Variants in TGFBRAP1 observed in about 807,000 individuals in gnomAD.
TGFBRAP1 encodes transforming growth factor beta receptor associated protein 1.
In TGFBRAP1, 20 loss-of-function variants were observed where a neutral mutation model predicts 83.2. That is an observed-to-expected ratio of 0.24 (90% CI 0.17 to 0.35). The LOEUF (loss-of-function observed/expected upper bound fraction) is 0.35, where lower values mean the gene tolerates loss of function less well. Ranked by LOEUF, TGFBRAP1 falls within the 10% of genes least tolerant of loss-of-function variation. The probability of loss-of-function intolerance (pLI) is 1.00; values close to 1 mark genes in which losing one functional copy is unlikely to be tolerated. For synonymous variants in TGFBRAP1, 415 were observed against 459.8 expected (o/e 0.90, Z 1.25); for missense variants, 950 against 1,099.4 (o/e 0.86, Z 1.92).
the TGFBRAP1 span, among the ~76,000 whole-genome samples, chr2:105,256,980 G>A: frequency 6.6e-6 from 1 of 152,202 alleles, no homozygotes; most frequent in Non-Finnish European, 1.5e-5. Context: ...GCAACGTCAG[G>A]AAGTTACCCT....
chr2:105,292,601 A>G (rs1010172224), intron 4 of TGFBRAP1, among the ~76,000 whole-genome samples: 9 of 151,324 alleles, frequency 5.9e-5, no homozygotes, highest in Non-Finnish European at 1.3e-4. Context: ...ACAGAGGGAC[A>G]GTGGGAAGGG....
intron 1 of TGFBRAP1, among the ~76,000 whole-genome samples, chr2:105,319,893 A>C (rs1298661452): frequency 6.6e-6 from 1 of 150,994 alleles, no homozygotes; most frequent in Admixed American, 6.6e-5. Flanking sequence ...ATATTGAAAT[A>C]TATATATTTG....
intron 2 of TGFBRAP1, among the ~76,000 whole-genome samples, chr2:105,304,013 T>C (rs1678399332): frequency 6.6e-6 from 1 of 152,160 alleles, no homozygotes; most frequent in African/African-American, 2.4e-5. Flanking sequence ...TGTATGAAAC[T>C]GATTCAAACA....
Position 105,267,400 on chromosome 2 carries a change from G to A in TGFBRAP1, c.2566C>T (p.Pro856Ser). ...CAAGCTTTTCAAGTCCGAGTGCCAG[G>A]ACTGGATGAGCTGGGGTTTGTGTGT... ...SRHTNPSSSS[P>S]GTRT is the part of the protein sequence containing the mutation. Residue 856 changes from proline (P) to serine (S), a missense_variant, in exon 12 of 12, where the codon CCT becomes TCT. Physicochemically the swap from Pro to Ser is moderately conservative, Grantham distance 74. Coordinates refer to ENST00000393359, the MANE Select transcript of TGFBRAP1 (RefSeq NM_004257.6). The A allele has an allele frequency of 6.2e-7, 1 of 1,614,190 alleles. No individual in the cohort carries two copies. The highest frequency in any genetic ancestry group is 8.5e-7 in the Non-Finnish European group (1 of 1,180,050).
chr2:105,285,059 G>A (rs1048611724), intron 4 of TGFBRAP1, among the ~76,000 whole-genome samples: 4 of 152,190 alleles, frequency 2.6e-5, no homozygotes, highest in East Asian at 1.9e-4. Context: ...GCCCCACTCC[G>A]TCACCGTCCA....
the TGFBRAP1 span, among the ~76,000 whole-genome samples, chr2:105,252,172 G>A: frequency 1.3e-5 from 2 of 152,124 alleles, no homozygotes; most frequent in Non-Finnish European, 2.9e-5. Context: ...ATAAAATACT[G>A]CTGCCGTATT....
chr2:105,301,584 CAAA>C (rs531235403), intron 2 of TGFBRAP1, among the ~76,000 whole-genome samples: 2,278 of 150,708 alleles, frequency 0.015, 58 homozygotes, highest in African/African-American at 0.052. Flanking sequence ...TAGACTCTCT[CAAA>C]AAAAAGAAAA....
chr2:105,250,454 A>T, the TGFBRAP1 span, among the ~76,000 whole-genome samples: 1 of 152,264 alleles, frequency 6.6e-6, no homozygotes, highest in East Asian at 1.9e-4. Flanking sequence ...GCATTTTTTA[A>T]AAGAAAGTCC....
chr2:105,259,558 C>A (rs931460797), downstream of TGFBRAP1, among the ~76,000 whole-genome samples: 3 of 152,186 alleles, frequency 2.0e-5, no homozygotes, highest in African/African-American at 7.2e-5. Context: ...AACACACCTC[C>A]TTCCCTTCCC....
intron 1 of TGFBRAP1, among the ~76,000 whole-genome samples, chr2:105,323,072 T>C (rs1025680053): frequency 6.6e-6 from 1 of 151,850 alleles, no homozygotes; most frequent in African/African-American, 2.4e-5. Context: ...AGGAAAAGGG[T>C]GGTATGCAAC....
At chr2:105,310,221 G>A (rs983493885) in intron 1 of TGFBRAP1, among the ~76,000 whole-genome samples, 4 of 152,048 alleles carry the variant, frequency 2.6e-5, no homozygotes, top group Admixed American at 2.0e-4. Flanking sequence ...CGGACAGCTG[G>A]CACACAGCAC....
At chr2:105,309,138 G>A (rs1056571452) in intron 1 of TGFBRAP1, among the ~76,000 whole-genome samples, 1 of 152,228 alleles carries the variant, frequency 6.6e-6, no homozygotes, top group Non-Finnish European at 1.5e-5. Flanking sequence ...ATCTTCTGCA[G>A]AGAACTGTGG....
At chr2:105,284,185 C>A in intron 5 of TGFBRAP1, 131 bp downstream of exon 5, 1 of 800,758 alleles carries the variant, frequency 1.2e-6, no homozygotes, top group Non-Finnish European at 2.1e-6. Flanking sequence ...TCACGAGCTA[C>A]CCCCACCGTA....
intron 9 of TGFBRAP1, 115 bp from the exon 10 acceptor site, chr2:105,273,129 A>C: frequency 1.5e-6 from 2 of 1,321,308 alleles, no homozygotes; most frequent in Non-Finnish European, 2.1e-6. Context: ...TGAGCTGGGC[A>C]GATGCTCACT....
At chr2:105,289,209 G>A (rs540299309) in intron 4 of TGFBRAP1, among the ~76,000 whole-genome samples, 3 of 109,388 alleles carry the variant, frequency 2.7e-5, no homozygotes, top group South Asian at 3.6e-4. Context: ...AAAAAAAAGT[G>A]GGGGGGTGCC....
intron 4 of TGFBRAP1, among the ~76,000 whole-genome samples, chr2:105,286,259 A>G (rs1378027315): frequency 1.3e-5 from 2 of 152,234 alleles, no homozygotes; most frequent in Non-Finnish European, 2.9e-5. Context: ...GGATGTAAGC[A>G]TCATGGATGC....
chr2:105,256,792 T>C, the TGFBRAP1 span, among the ~76,000 whole-genome samples: 1 of 152,130 alleles, frequency 6.6e-6, no homozygotes, highest in Non-Finnish European at 1.5e-5. Flanking sequence ...GACATTCTAA[T>C]CACAGGATGA....
chr2:105,320,397 G>GTT (rs988447742), intron 1 of TGFBRAP1, among the ~76,000 whole-genome samples: 1 of 147,408 alleles, frequency 6.8e-6, no homozygotes, highest in Non-Finnish European at 1.5e-5. Context: ...ACAGCAAGAA[G>GTT]TTTTTTTTTT....
In TGFBRAP1 at chr2:105,269,775, T is replaced by A; in HGVS notation, c.1973-70A>T. On this transcript the variant is annotated intron_variant, in intron 10 of 11. Coordinates refer to ENST00000393359, the MANE Select transcript of TGFBRAP1 (RefSeq NM_004257.6). This position sits in a 1 kb window ranked among gnomAD's most constrained non-coding sequence, Gnocchi z 4.1. The stretch of plus-strand genomic sequence containing the variant: ...CCACCCGCCCAGCGACTGGCCTCCT[T>A]GCTGCTCTGGGCTTCAGGAGGGGAA... 1 of 1,419,892 alleles carries A rather than the reference T, an allele frequency of 7.0e-7. No individual in the cohort carries two copies. Among genetic ancestry groups the A allele is most frequent in the East Asian group, 2.5e-5 (1 of 40,092 alleles). 88.0% of individuals were successfully genotyped at this position (1,419,892 alleles called of 1,614,324 possible).
Sources: gnomAD v4.1 joint callset for allele counts (sites outside exome capture counted in the v4.1 genomes callset) on GRCh38, gnomAD v4.1.1 for gene constraint, Gnocchi (gnomAD v3.1) non-coding constraint, MANE v1.5 for transcripts, NCBI Gene and HGNC (gene_info 2026-07-23, HGNC 2026-07-21) for gene names.